WDFY2: variants seen among roughly 807,000 people sequenced by gnomAD.
The protein encoded by WDFY2 is WD repeat and FYVE domain containing 2.
Under a neutral mutation model 56.4 loss-of-function variants are expected in WDFY2, and 36 were observed. The ratio of observed to expected loss-of-function variants is 0.64; its 90% CI spans 0.49 to 0.84. The LOEUF (loss-of-function observed/expected upper bound fraction) is 0.84. Among genes scored for constraint, WDFY2 ranks in the 40% least tolerant of loss-of-function variants. The probability of loss-of-function intolerance (pLI) is 0.00; values close to 1 mark genes in which losing one functional copy is unlikely to be tolerated. For synonymous variants in WDFY2, 176 were observed against 183.7 expected (o/e 0.96, Z 0.34); for missense variants, 444 against 512.2 (o/e 0.87, Z 1.29).
At chr13:51,712,390 T>C (rs1952241697) in intron 4 of WDFY2, among the ~76,000 whole-genome samples, 1 of 152,096 alleles carries the variant, frequency 6.6e-6, no homozygotes, top group Admixed American at 6.6e-5. Context: ...CAAGTATACA[T>C]ATGTAACAAA....
At chr13:51,745,138 T>G (rs919169488) in intron 7 of WDFY2, among the ~76,000 whole-genome samples, 1 of 152,176 alleles carries the variant, frequency 6.6e-6, no homozygotes, top group East Asian at 1.9e-4. Context: ...ACAAATGAAA[T>G]GTAGTTCAAA....
intron 5 of WDFY2, among the ~76,000 whole-genome samples, chr13:51,723,483 G>T (rs545374829): frequency 1.3e-5 from 2 of 151,976 alleles, no homozygotes; most frequent in South Asian, 2.1e-4. Flanking sequence ...TAATGCCACC[G>T]CCTTGTTGAA....
At position 51,763,032 on chromosome 13, in the gene WDFY2, T is replaced by C. The variant is rs1347302493; in HGVS notation, c.*3263T>C. 1.3e-5 allele frequency: 2 copies of C among 152,230 alleles called. No individual in the cohort carries two copies. The highest frequency in any genetic ancestry group is 4.8e-5 in the African/African-American group (2 of 41,464). 9.4% of individuals were successfully genotyped at this position (152,230 alleles called of 1,614,324 possible). On this transcript the variant is annotated 3_prime_UTR_variant, in exon 12 of 12. Coordinates refer to ENST00000298125, the MANE Select transcript of WDFY2 (RefSeq NM_052950.4). ...GTGTTTCTCATTTGGTTTTAATTAT[T>C]TCCAGAAATCATAAAGTCACAAAAC...
At chr13:51,626,318 G>T (rs1477034862) in intron 1 of WDFY2, among the ~76,000 whole-genome samples, 1 of 152,182 alleles carries the variant, frequency 6.6e-6, no homozygotes, top group Non-Finnish European at 1.5e-5. Flanking sequence ...TCTCTGTGAG[G>T]CCTGAACAAC....
chr13:51,729,603 C>T lies in WDFY2; in HGVS notation c.598+1813C>T, dbSNP rs61958307. 5.2e-3 allele frequency among the ~76,000 whole-genome samples: 790 copies of T among 152,176 alleles called. 3 individuals carry two copies. The highest frequency in any genetic ancestry group is 0.013 in the South Asian group (63 of 4,810). Reference sequence around the variant, plus strand: ...TTCTTCTCTTCTCAGTGCAGGAGAGCTGCTTTCCTCTGGCCCCAGTCTATT... The same window carrying T: ...TTCTTCTCTTCTCAGTGCAGGAGAGTTGCTTTCCTCTGGCCCCAGTCTATT... On this transcript the variant is annotated intron_variant, in intron 6 of 11. Coordinates refer to ENST00000298125, the MANE Select transcript of WDFY2 (RefSeq NM_052950.4).
chr13:51,690,577 T>G (rs1956135754), intron 3 of WDFY2, among the ~76,000 whole-genome samples: 1 of 152,168 alleles, frequency 6.6e-6, no homozygotes, highest in South Asian at 2.1e-4. Context: ...TGCCACATTT[T>G]CTTAATCCAG....
intron 1 of WDFY2, among the ~76,000 whole-genome samples, chr13:51,602,837 T>G (rs1954312508): frequency 6.6e-6 from 1 of 152,236 alleles, no homozygotes; most frequent in Non-Finnish European, 1.5e-5. Flanking sequence ...TGACCAGTGT[T>G]CATGCTTTAA....
intron 2 of WDFY2, among the ~76,000 whole-genome samples, chr13:51,660,948 G>A (rs925953547): frequency 3.9e-5 from 6 of 152,106 alleles, no homozygotes; most frequent in Non-Finnish European, 8.8e-5. Flanking sequence ...CCAACTTTTT[G>A]TTCAGCTATT....
At chr13:51,680,016 C>T (rs1955951576) in intron 3 of WDFY2, among the ~76,000 whole-genome samples, 1 of 152,178 alleles carries the variant, frequency 6.6e-6, no homozygotes, top group Admixed American at 6.5e-5. Flanking sequence ...CCTTGAGCTC[C>T]TGGACTCAAG....
chr13:51,597,829 A>G (rs1954180582), intron 1 of WDFY2, among the ~76,000 whole-genome samples: 1 of 152,246 alleles, frequency 6.6e-6, no homozygotes, highest in African/African-American at 2.4e-5. Context: ...GCAGGTAGAA[A>G]TAGATACTAG....
rs575192477 is a variant in WDFY2 at position 51,690,645 on chromosome 13, G to T, written c.280-12951G>T. Among the ~76,000 whole-genome samples the T allele has an allele frequency of 5.6e-3, 852 of 151,954 alleles. 6 individuals are homozygous for T. The highest frequency in any genetic ancestry group is 0.019 in the African/African-American group (798 of 41,412). ...AGTCTTTGCTGTCGTGAATAATGCC[G>T]CAATAAACATACGTGTGCATGTGTC... On this transcript the variant is annotated intron_variant, in intron 3 of 11. Transcript: ENST00000298125.
At chr13:51,751,517 T>A (rs746869691) in intron 8 of WDFY2, 102 bp downstream of exon 8, 1 of 1,132,600 alleles carries the variant, frequency 8.8e-7, no homozygotes, top group Non-Finnish European at 1.3e-6. Context: ...AAATAAGGCA[T>A]GTAACGTTAA....
intron 3 of WDFY2, among the ~76,000 whole-genome samples, chr13:51,700,236 A>G (rs1951954716): frequency 6.6e-6 from 1 of 152,226 alleles, no homozygotes; most frequent in Non-Finnish European, 1.5e-5. Flanking sequence ...TTTTGCTTGT[A>G]TATCCTATAT....
chr13:51,756,910 AG>A (rs1289198637), intron 10 of WDFY2, among the ~76,000 whole-genome samples: 1 of 152,218 alleles, frequency 6.6e-6, no homozygotes, highest in Non-Finnish European at 1.5e-5. Context: ...CCAGTTGCCC[AG>A]TTACTCAGCT....
chr13:51,702,499 G>A (rs923302588), intron 3 of WDFY2, among the ~76,000 whole-genome samples: 2 of 152,024 alleles, frequency 1.3e-5, no homozygotes, highest in African/African-American at 4.8e-5. Flanking sequence ...CTTCTTAAAG[G>A]GGGCTGGAAT....
chr13:51,727,664 T>C lies in WDFY2; in HGVS notation c.486-14T>C. On this transcript the variant is annotated splice_polypyrimidine_tract_variant and intron_variant, in intron 5 of 11. Coordinates refer to ENST00000298125, the MANE Select transcript of WDFY2 (RefSeq NM_052950.4). Reference sequence around the variant, plus strand: ...TTTAATTTTGAGAAACAATCCTTAATGCTTTCATGACAGATTTGATGTTGA... The same window carrying C: ...TTTAATTTTGAGAAACAATCCTTAACGCTTTCATGACAGATTTGATGTTGA... The C allele has an allele frequency of 1.2e-6, 2 of 1,609,576 alleles. No homozygotes were observed. Among genetic ancestry groups the C allele is most frequent in the Non-Finnish European group, 1.7e-6 (2 of 1,177,888 alleles).
rs140984251 is a variant in WDFY2 at position 51,716,777 on chromosome 13, G to GAA, written c.335-2406_335-2405dup. On this transcript the variant is annotated intron_variant, in intron 4 of 11. Coordinates refer to ENST00000298125, the MANE Select transcript of WDFY2 (RefSeq NM_052950.4). ...AAAACTGCAGACCAATATCTCTCAT[G>GAA]AAAAAAAAAAAAAAAACTAGCAAAT... Among the ~76,000 whole-genome samples the GAA allele has an allele frequency of 9.8e-4, 114 of 116,618 alleles. 2 individuals are homozygous for GAA. The highest frequency in any genetic ancestry group is 7.2e-3 in the Admixed American group (80 of 11,096). 76.5% of individuals were successfully genotyped at this position (116,618 alleles called of 152,430 possible).
At chr13:51,666,278 T>G (rs146018881) in intron 2 of WDFY2, among the ~76,000 whole-genome samples, 46 of 152,358 alleles carry the variant, frequency 3.0e-4, no homozygotes, top group African/African-American at 1.1e-3. Flanking sequence ...TACACTGATG[T>G]GTACATTATA....
chr13:51,595,548 G>A (rs929105883), intron 1 of WDFY2, among the ~76,000 whole-genome samples: 4 of 152,172 alleles, frequency 2.6e-5, no homozygotes, highest in African/African-American at 9.7e-5. Context: ...GGTCCTCTGA[G>A]CTGGCCATGA....
Sources: allele counts gnomAD v4.1 joint callset (sites outside exome capture counted in the v4.1 genomes callset), GRCh38; gene constraint gnomAD v4.1.1; transcripts MANE v1.5; gene names NCBI Gene and HGNC (gene_info 2026-07-23, HGNC 2026-07-21).